The following LAMA3 variants were observed in gnomAD, a reference collection of about 807,000 sequenced individuals.
The protein encoded by LAMA3 is laminin subunit alpha-3.
In LAMA3, 281 loss-of-function variants were observed where a neutral mutation model predicts 402.0. The observed-to-expected ratio is 0.70, with a 90% confidence interval of 0.63 to 0.77. The LOEUF (loss-of-function observed/expected upper bound fraction) is 0.77, where lower values mean the gene tolerates loss of function less well. Among genes scored for constraint, LAMA3 ranks in the 30% least tolerant of loss-of-function variants. LAMA3 has a pLI of 0.00. For synonymous variants in LAMA3, 1,431 were observed against 1,558.4 expected, an observed-to-expected ratio of 0.92 and a Z score of 1.93; for missense variants, 3,840 against 4,215.5, an observed-to-expected ratio of 0.91 and a Z score of 2.47.
chr18:23,778,674 A>G (rs2062373741), intron 11 of LAMA3, among the ~76,000 whole-genome samples: 3 of 152,296 alleles, frequency 2.0e-5, no homozygotes, highest in South Asian at 4.1e-4. Flanking sequence ...CATCGGACTC[A>G]TGCTCACATC....
chr18:23,803,586 A>G (rs1259095624), intron 12 of LAMA3, among the ~76,000 whole-genome samples: 3 of 152,186 alleles, frequency 2.0e-5, no homozygotes, highest in African/African-American at 7.2e-5. Flanking sequence ...TGTTCCTTCA[A>G]AGTCCCTGGC....
Position 23,921,061 on chromosome 18 carries a change from C to T in LAMA3, c.8043+7C>T, listed in dbSNP as rs751933596. 4.9e-5 allele frequency: 79 copies of T among 1,613,660 alleles called. No homozygotes were observed. The highest frequency in any genetic ancestry group is 5.9e-5 in the Non-Finnish European group (70 of 1,179,896). ...CAACGGCAGAGACCATTCGGTACAC[C>T]TTTTGAGTCTGTTTACTTGAATCGT... On this transcript the variant is annotated splice_region_variant and intron_variant, in intron 61 of 74. Transcript: ENST00000313654.
intron 29 of LAMA3, among the ~76,000 whole-genome samples, chr18:23,844,007 CTGTG>C (rs2063760606): frequency 6.6e-6 from 1 of 152,232 alleles, no homozygotes; most frequent in African/African-American, 2.4e-5. Context: ...CCCAGACTCT[CTGTG>C]TGGCCCTCCA....
chr18:23,833,056 T>A (rs1043645938), intron 23 of LAMA3, among the ~76,000 whole-genome samples: 2 of 152,184 alleles, frequency 1.3e-5, no homozygotes, highest in African/African-American at 4.8e-5. Flanking sequence ...AAGTAACTTG[T>A]GCAAGATCAC....
intron 67 of LAMA3, among the ~76,000 whole-genome samples, chr18:23,938,934 A>G (rs1490638843): frequency 6.6e-6 from 1 of 152,114 alleles, no homozygotes; most frequent in Non-Finnish European, 1.5e-5. Context: ...CAAAATGCTC[A>G]CAAATCAAAG....
rs2063253652 is a variant in LAMA3 at position 23,820,010 on chromosome 18, A to G, written c.2304+13A>G. On this transcript the variant is annotated intron_variant, in intron 19 of 74. Transcript: ENST00000313654. ...GACCTCAGTACAGGTACGCAACCCGAAGAGAGCAGCTTCATGGCTGAGTAG... is the reference window on the plus strand; with the variant it reads ...GACCTCAGTACAGGTACGCAACCCGGAGAGAGCAGCTTCATGGCTGAGTAG... 1 of 1,613,804 alleles carries G rather than the reference A, an allele frequency of 6.2e-7. No individual in the cohort carries two copies. Among genetic ancestry groups the G allele is most frequent in the Admixed American group, 1.7e-5 (1 of 59,980 alleles).
At chr18:23,813,189 A>ACTGTTCT (rs1439850936) in intron 14 of LAMA3, 86 bp downstream of exon 14, 1 of 906,134 alleles carries the variant, frequency 1.1e-6, no homozygotes, top group East Asian at 2.4e-5. Flanking sequence ...GCACTTCCAG[A>ACTGTTCT]AATTAAAATA....
At chr18:23,729,924 G>A (rs1428237271) in intron 2 of LAMA3, among the ~76,000 whole-genome samples, 1 of 152,232 alleles carries the variant, frequency 6.6e-6, no homozygotes, top group Non-Finnish European at 1.5e-5. Flanking sequence ...GAATGCTCAT[G>A]GCCCGTGTGG....
chr18:23,833,849 C>A lies in LAMA3; in HGVS notation c.2845C>A (p.Arg949Ser), dbSNP rs372960002. The change falls in exon 24 of 75, where the codon CGC (arginine) becomes AGC (serine). Residue 949 changes from arginine to serine, a missense_variant. Physicochemically the swap from Arg to Ser is moderately radical, Grantham distance 110. Around this residue, in one of 3 missense-constraint regions of LAMA3, gnomAD observed 2,109 missense variants for 2,376.0 expected, o/e 0.89. Coordinates refer to ENST00000313654, the MANE Select transcript of LAMA3 (RefSeq NM_198129.4). ...ACAGGTGGAATTGCATCTGCGGCTGCGCATCCCACAGGTTGGCCACTACGT... is the reference window on the plus strand; with the variant it reads ...ACAGGTGGAATTGCATCTGCGGCTGAGCATCCCACAGGTTGGCCACTACGT... ...GREVELHLRLRIPQVGHYVVV... is the reference protein window; with the variant it reads ...GREVELHLRLSIPQVGHYVVV... The A allele has an allele frequency of 1.2e-6, 2 of 1,613,438 alleles. No homozygotes were observed. Among genetic ancestry groups the A allele is most frequent in the Non-Finnish European group, 1.7e-6 (2 of 1,180,022 alleles).
chr18:23,788,237 G>T (rs1355353380), intron 12 of LAMA3, among the ~76,000 whole-genome samples: 4 of 151,748 alleles, frequency 2.6e-5, no homozygotes, highest in African/African-American at 9.7e-5. Flanking sequence ...TGTATTGCTG[G>T]ATTTTAATAT....
chr18:23,704,296 C>A (rs985669443), intron 1 of LAMA3, among the ~76,000 whole-genome samples: 12 of 152,192 alleles, frequency 7.9e-5, no homozygotes, highest in Non-Finnish European at 1.6e-4. Flanking sequence ...GGCTGTTTCA[C>A]ACCGTCCAAA....
chr18:23,786,910 A>G (rs909257137), intron 12 of LAMA3, among the ~76,000 whole-genome samples: 2 of 152,246 alleles, frequency 1.3e-5, no homozygotes, highest in African/African-American at 2.4e-5. Context: ...TTGAGCTAGC[A>G]GAAGAAAGAA....
chr18:23,746,005 T>C (rs1185631177), intron 2 of LAMA3, among the ~76,000 whole-genome samples: 3 of 152,346 alleles, frequency 2.0e-5, no homozygotes, highest in African/African-American at 7.2e-5. Context: ...TTGGATTTCC[T>C]ATGAATTCCT....
chr18:23,794,457 C>T (rs2062724118), intron 12 of LAMA3, among the ~76,000 whole-genome samples: 1 of 152,182 alleles, frequency 6.6e-6, no homozygotes, highest in African/African-American at 2.4e-5. Context: ...AAGTTGAAGC[C>T]AGCTGTGGGG....
At chr18:23,702,487 C>A (rs1272222827) in intron 1 of LAMA3, among the ~76,000 whole-genome samples, 2 of 152,000 alleles carry the variant, frequency 1.3e-5, no homozygotes, top group Non-Finnish European at 2.9e-5. Context: ...CCATGCCCGG[C>A]TAATTTTTTT....
At chr18:23,798,524 G>T (rs2062810020) in intron 12 of LAMA3, among the ~76,000 whole-genome samples, 1 of 152,208 alleles carries the variant, frequency 6.6e-6, no homozygotes, top group Non-Finnish European at 1.5e-5. Flanking sequence ...GAAGGTTTTG[G>T]CCGTGATGCT....
At chr18:23,814,531 A>G (rs773355243) in intron 15 of LAMA3, 29 bp downstream of exon 15, 4 of 1,380,968 alleles carry the variant, frequency 2.9e-6, no homozygotes, top group South Asian at 1.2e-5. Flanking sequence ...ATAATTTACT[A>G]TATTATAATG....
At chr18:23,780,276 A>G (rs2062409385) in intron 11 of LAMA3, among the ~76,000 whole-genome samples, 1 of 149,536 alleles carries the variant, frequency 6.7e-6, no homozygotes, top group Non-Finnish European at 1.5e-5. Context: ...GGCAGGAGTT[A>G]AGTGCCATGA....
chr18:23,719,669 CT>C (rs61144348), intron 2 of LAMA3, among the ~76,000 whole-genome samples: 1,465 of 135,536 alleles, frequency 0.011, 14 homozygotes, highest in African/African-American at 0.022. Context: ...ATTCTAGAAT[CT>C]TTTTTTTTTT....
Sources: allele counts gnomAD v4.1 joint callset (sites outside exome capture counted in the v4.1 genomes callset), GRCh38; gene constraint gnomAD v4.1.1; regional missense constraint gnomAD v4.1.1; transcripts MANE v1.5; gene names NCBI Gene and HGNC (gene_info 2026-07-23, HGNC 2026-07-21).